PDZRN4: variants seen among roughly 807,000 people sequenced by gnomAD.
The protein encoded by PDZRN4 is PDZ domain-containing RING finger protein 4.
Under a neutral mutation model 99.0 loss-of-function variants are expected in PDZRN4, and 70 were observed. The ratio of observed to expected loss-of-function variants is 0.71; its 90% CI spans 0.58 to 0.86. The LOEUF is 0.86. Among genes scored for constraint, PDZRN4 ranks in the 40% least tolerant of loss-of-function variants. The pLI, the probability that PDZRN4 is intolerant of heterozygous loss-of-function variation, is 0.00. For synonymous variants in PDZRN4, 551 were observed against 501.6 expected, an observed-to-expected ratio of 1.10 and a Z score of -1.32; for missense variants, 1,474 against 1,331.2, an observed-to-expected ratio of 1.11 and a Z score of -1.67.
At chr12:41,189,971 G>C (rs1487848157) in intron 1 of PDZRN4, among the ~76,000 whole-genome samples, 1 of 152,174 alleles carries the variant, frequency 6.6e-6, no homozygotes, top group Non-Finnish European at 1.5e-5. Flanking sequence ...CCTCTTTGCA[G>C]CATCCCGTGT....
In PDZRN4 at chr12:41,412,759, A is replaced by T. The variant is rs112976785; in HGVS notation, c.844-93697A>T. Among the ~76,000 whole-genome samples the T allele has an allele frequency of 5.6e-3, 856 of 152,292 alleles. 10 individuals carry two copies. The highest frequency in any genetic ancestry group is 0.018 in the African/African-American group (764 of 41,574). ...CAATGAATACCAAATGCTGAAGGGG[A>T]AGTAAAATATCTAAATCCTCAATAT... On this transcript the variant is annotated intron_variant, in intron 3 of 9. Coordinates refer to ENST00000402685, the MANE Select transcript of PDZRN4 (RefSeq NM_001164595.2).
At position 41,379,791 on chromosome 12, in the gene PDZRN4, T is replaced by C. The variant is rs1952109858; in HGVS notation, c.844-126665T>C. Among the ~76,000 whole-genome samples, 12 of 152,174 alleles carry C rather than the reference T, an allele frequency of 7.9e-5. No individual in the cohort carries two copies. In the South Asian group the frequency reaches 2.5e-3, roughly 31 times the overall value. On this transcript the variant is annotated intron_variant, in intron 3 of 9. Coordinates refer to ENST00000402685, the MANE Select transcript of PDZRN4 (RefSeq NM_001164595.2). ...ACATATGATCTTTCCTATGGAATAT[T>C]TTATGTGTATTTGAGAAGAATGTGT...
intron 3 of PDZRN4, among the ~76,000 whole-genome samples, chr12:41,358,140 G>C (rs1951940039): frequency 6.6e-6 from 1 of 151,934 alleles, no homozygotes; most frequent in Non-Finnish European, 1.5e-5. Context: ...CCTCAGAGAA[G>C]CTTGTTCCCT....
In PDZRN4 at chr12:41,317,051, T is replaced by TACATAC. The variant is rs1480706585; in HGVS notation, c.843+122864_843+122865insCATACA. ...AGAGAATCATAACTTACATAAAGTATATATATATATATATATATATATAGT... is the reference window on the plus strand; with the variant it reads ...AGAGAATCATAACTTACATAAAGTATACATACATATATATATATATATATATATAGT... On this transcript the variant is annotated intron_variant, in intron 3 of 9. Transcript: ENST00000402685. Among the ~76,000 whole-genome samples, 148 of 102,446 alleles carry TACATAC rather than the reference T, an allele frequency of 1.4e-3. 3 individuals carry two copies. Among genetic ancestry groups the TACATAC allele is most frequent in the African/African-American group, 4.4e-3 (102 of 23,114 alleles). The allele number at this position is 102,446 out of a possible 152,430, so 67.2% of individuals were successfully genotyped here.
chr12:41,192,803 T>C (rs2163416), intron 2 of PDZRN4, among the ~76,000 whole-genome samples: 64,564 of 152,174 alleles, frequency 0.42, 16,015 homozygotes, highest in Admixed American at 0.56. Flanking sequence ...AATAATATTC[T>C]TCATGTTGAT....
chr12:41,497,371 G>C (rs1398850457), intron 3 of PDZRN4, among the ~76,000 whole-genome samples: 1 of 151,882 alleles, frequency 6.6e-6, no homozygotes, highest in East Asian at 1.9e-4. Flanking sequence ...TATATCCTTA[G>C]ACCTGTTATA....
At chr12:41,568,886 C>A (rs980967560) in intron 9 of PDZRN4, among the ~76,000 whole-genome samples, 8 of 151,376 alleles carry the variant, frequency 5.3e-5, no homozygotes, top group South Asian at 2.1e-4. Flanking sequence ...CTCACTGGAA[C>A]CTCCGCCTCC....
intron 3 of PDZRN4, among the ~76,000 whole-genome samples, chr12:41,369,716 A>C (rs919594903): frequency 3.9e-5 from 6 of 152,038 alleles, no homozygotes; most frequent in Non-Finnish European, 8.8e-5. Context: ...TATTTAATTC[A>C]AATTAAATAC....
intron 3 of PDZRN4, among the ~76,000 whole-genome samples, chr12:41,330,222 AC>A (rs1951733933): frequency 6.6e-6 from 1 of 152,106 alleles, no homozygotes; most frequent in African/African-American, 2.4e-5. Flanking sequence ...AATGAGTTAA[AC>A]CATTGATAAC....
At chr12:41,564,493 G>A (rs1312232873) in intron 8 of PDZRN4, among the ~76,000 whole-genome samples, 1 of 152,036 alleles carries the variant, frequency 6.6e-6, no homozygotes, top group Non-Finnish European at 1.5e-5. Flanking sequence ...TTGTCTCCTC[G>A]GTTATTGATA....
chr12:41,474,130 T>G (rs1410355525), intron 3 of PDZRN4, among the ~76,000 whole-genome samples: 1 of 152,166 alleles, frequency 6.6e-6, no homozygotes, highest in African/African-American at 2.4e-5. Context: ...TGAGAAAGAT[T>G]AATTAGTTTC....
intron 3 of PDZRN4, among the ~76,000 whole-genome samples, chr12:41,251,204 G>A (rs915471589): frequency 1.3e-5 from 2 of 152,098 alleles, no homozygotes; most frequent in Non-Finnish European, 2.9e-5. Context: ...GTCAGATGAT[G>A]TAAGCTGAAC....
At chr12:41,357,758 G>A (rs1951937856) in intron 3 of PDZRN4, among the ~76,000 whole-genome samples, 1 of 151,952 alleles carries the variant, frequency 6.6e-6, no homozygotes, top group Non-Finnish European at 1.5e-5. Flanking sequence ...AGCCTTCGCT[G>A]GCTGTTTGAG....
chr12:41,312,075 G>T (rs1269997830), intron 3 of PDZRN4, among the ~76,000 whole-genome samples: 1 of 151,944 alleles, frequency 6.6e-6, no homozygotes, highest in African/African-American at 2.4e-5. Context: ...TCAGTGTTAG[G>T]GTTCTTTTTC....
At chr12:41,190,867 C>G (rs1199726373) in intron 1 of PDZRN4, among the ~76,000 whole-genome samples, 2 of 152,172 alleles carry the variant, frequency 1.3e-5, no homozygotes, top group East Asian at 1.9e-4. Flanking sequence ...ATACATACTA[C>G]TTTACCTAGC....
Position 41,188,973 on chromosome 12 carries a change from C to T in PDZRN4, c.518C>T (p.Ala173Val), listed in dbSNP as rs990836428. The change falls in exon 1 of 10, where the codon GCG becomes GTG. Residue 173 changes from alanine (A) to valine (V), a missense_variant. Ala to Val is a moderately conservative substitution (Grantham distance 64). Coordinates refer to ENST00000402685, the MANE Select transcript of PDZRN4 (RefSeq NM_001164595.2). ...CTCGCCTGGAGGCGGCGCGAGAAGG[C>T]GCTGCTGGCGCAGCTCTGGGCGCTG... is the stretch of plus-strand genomic sequence containing the variant. ...RVLAWRRREK[A>V]LLAQLWALQG... The T allele has an allele frequency of 1.8e-5, 26 of 1,479,044 alleles. No individual in the cohort carries two copies. The highest frequency in any genetic ancestry group is 6.5e-5 in the Admixed American group (3 of 45,850). 91.6% of individuals were successfully genotyped at this position (1,479,044 alleles called of 1,614,324 possible). A position where few individuals can be genotyped will look rare whatever the true frequency, so the allele number is the denominator to read the frequency against.
intron 3 of PDZRN4, among the ~76,000 whole-genome samples, chr12:41,306,526 G>A (rs148362161): frequency 7.2e-4 from 109 of 152,178 alleles, no homozygotes; most frequent in East Asian, 6.9e-3. Flanking sequence ...TGGGTGATTC[G>A]GTCCATAGTT....
intron 3 of PDZRN4, among the ~76,000 whole-genome samples, chr12:41,230,665 C>T (rs893146911): frequency 2.0e-5 from 3 of 151,978 alleles, no homozygotes. Flanking sequence ...TGGTAGATTC[C>T]AAATAAAGTG....
Position 41,304,892 on chromosome 12 carries a change from T to G in PDZRN4, c.843+110704T>G, listed in dbSNP as rs186607809. Reference sequence around the variant, plus strand: ...ACATACTACATAACTGCATACTGCATAACATACTTCATAAACATACTACAT... The same window carrying G: ...ACATACTACATAACTGCATACTGCAGAACATACTTCATAAACATACTACAT... On this transcript the variant is annotated intron_variant, in intron 3 of 9. Transcript: ENST00000402685. 1.8e-3 allele frequency among the ~76,000 whole-genome samples: 276 copies of G among 152,336 alleles called. 1 individual carries two copies. The highest frequency in any genetic ancestry group is 3.1e-3 in the Admixed American group (48 of 15,304).
Sources: gnomAD v4.1 joint callset for allele counts (sites outside exome capture counted in the v4.1 genomes callset) on GRCh38, gnomAD v4.1.1 for gene constraint, MANE v1.5 for transcripts, NCBI Gene and HGNC (gene_info 2026-07-23, HGNC 2026-07-21) for gene names.